The following PHEX variants were observed in gnomAD, a reference collection of about 807,000 sequenced individuals.
PHEX encodes the protein phosphate regulating endopeptidase X-linked.
PHEX carries 16 observed loss-of-function variants against 68.0 expected under a neutral mutation model. That is an observed-to-expected ratio of 0.24 (90% confidence interval 0.16 to 0.36). The LOEUF is 0.36. Among genes scored for constraint, PHEX ranks in the 10% least tolerant of loss-of-function variants. The probability of loss-of-function intolerance (pLI) is 1.00; values close to 1 mark genes in which losing one functional copy is unlikely to be tolerated. For synonymous variants in PHEX, 208 were observed against 205.1 expected (o/e 1.01, Z -0.12); for missense variants, 480 against 575.5 (o/e 0.83, Z 1.70).
intron 5 of PHEX, among the ~76,000 whole-genome samples, chrX:22,085,517 G>A (rs923232252): frequency 1.9e-5 from 2 of 106,907 alleles, no homozygotes; most frequent in Non-Finnish European, 3.9e-5. Context: ...GGAGGTTGCA[G>A]TGAGCTGAGA....
chrX:22,120,738 GAGTGATCCCT>G (rs1457479015), intron 11 of PHEX, among the ~76,000 whole-genome samples: 4 of 111,771 alleles, frequency 3.6e-5, no homozygotes, highest in Admixed American at 2.9e-4. Flanking sequence ...TCATTCTAAG[GAGTGATCCCT>G]GATGTTTGCA....
intron 13 of PHEX, chrX:22,169,692 G>C (rs1050008747): frequency 2.7e-5 from 3 of 111,906 alleles, no homozygotes; most frequent in African/African-American, 6.5e-5. Context: ...TGTGACCAGG[G>C]CTGTTGGAAG....
At chrX:22,049,217 A>G (rs940819605) in intron 3 of PHEX, among the ~76,000 whole-genome samples, 7 of 111,095 alleles carry the variant, frequency 6.3e-5, no homozygotes, top group Non-Finnish European at 3.8e-5. Context: ...CAAACGAGCG[A>G]TTCTCCTGCC....
At chrX:22,133,166 A>G in intron 11 of PHEX, among the ~76,000 whole-genome samples, 1 of 111,830 alleles carries the variant, frequency 8.9e-6, no homozygotes, top group East Asian at 2.8e-4. Context: ...GATTACAGGC[A>G]TGAGCCACCA....
At chrX:22,229,377 A>G (rs1368089747) in intron 20 of PHEX, among the ~76,000 whole-genome samples, 1 of 111,690 alleles carries the variant, frequency 9.0e-6, no homozygotes, top group Non-Finnish European at 1.9e-5. Context: ...AAGTGCTCCT[A>G]TTTCTCTACA....
At chrX:22,218,004 G>A (rs1484193991) in intron 16 of PHEX, among the ~76,000 whole-genome samples, 3 of 110,043 alleles carry the variant, frequency 2.7e-5, no homozygotes, top group Non-Finnish European at 5.7e-5. Flanking sequence ...GGCCGGGGTC[G>A]CTCAACTAGG....
intron 12 of PHEX, among the ~76,000 whole-genome samples, chrX:22,138,954 C>T (rs1000457686): frequency 6.3e-5 from 7 of 111,338 alleles, no homozygotes; most frequent in African/African-American, 2.0e-4. Context: ...GCCAAGATGG[C>T]GGCCTTCATA....
intron 8 of PHEX, among the ~76,000 whole-genome samples, chrX:22,098,322 C>T (rs1159415212): frequency 9.3e-6 from 1 of 107,120 alleles, no homozygotes; most frequent in Non-Finnish European, 1.9e-5. Flanking sequence ...AGGAAGAGTA[C>T]TGGACAGGGA....
intron 11 of PHEX, among the ~76,000 whole-genome samples, chrX:22,115,495 T>C (rs781533048): frequency 2.7e-5 from 3 of 111,835 alleles, no homozygotes; most frequent in Non-Finnish European, 5.6e-5. Flanking sequence ...AAGTATACAA[T>C]ACATTATTAG....
chrX:22,224,946 A>T (rs375352995), intron 18 of PHEX, among the ~76,000 whole-genome samples: 2 of 318 alleles, frequency 6.3e-3, no homozygotes, highest in Non-Finnish European at 0.015. Flanking sequence ...CAAATAACAT[A>T]AATTATCATA....
chrX:22,040,534 A>G (rs917504122), intron 2 of PHEX, among the ~76,000 whole-genome samples: 5 of 111,851 alleles, frequency 4.5e-5, no homozygotes, highest in Admixed American at 3.8e-4. Flanking sequence ...AGATAGAACA[A>G]TGTGATAGCA....
At chrX:22,162,532 T>C (rs1021790867) in intron 12 of PHEX, among the ~76,000 whole-genome samples, 3 of 112,096 alleles carry the variant, frequency 2.7e-5, no homozygotes, top group African/African-American at 9.7e-5. Context: ...ACTTTCTTGG[T>C]GTAGTCTACA....
chrX:22,113,206 AAATAT>A (rs1256455274), intron 10 of PHEX, among the ~76,000 whole-genome samples: 1 of 112,075 alleles, frequency 8.9e-6, no homozygotes, highest in African/African-American at 3.2e-5. Flanking sequence ...ACGAAGTGCT[AAATAT>A]AATATTGAAT....
chrX:22,155,387 A>T, intron 12 of PHEX, among the ~76,000 whole-genome samples: 1 of 112,440 alleles, frequency 8.9e-6, no homozygotes, highest in South Asian at 3.7e-4. Context: ...AGACAAGGGG[A>T]TATGTTTATC....
At chrX:22,119,987 T>G (rs1931418420) in intron 11 of PHEX, among the ~76,000 whole-genome samples, 1 of 111,355 alleles carries the variant, frequency 9.0e-6, no homozygotes, top group Admixed American at 9.6e-5. Context: ...CAGGTGAAGG[T>G]TCCAACGAAG....
At chrX:22,180,046 C>G (rs1160827606) in intron 14 of PHEX, among the ~76,000 whole-genome samples, 4 of 108,567 alleles carry the variant, frequency 3.7e-5, no homozygotes, top group Non-Finnish European at 7.6e-5. Flanking sequence ...CTAACTTATA[C>G]TGCCGAATAG....
intron 11 of PHEX, among the ~76,000 whole-genome samples, chrX:22,116,472 A>C (rs1602308881): frequency 1.8e-5 from 2 of 111,939 alleles, no homozygotes; most frequent in East Asian, 5.6e-4. Context: ...ATATATGAGC[A>C]GCTTGGATGC....
intron 14 of PHEX, among the ~76,000 whole-genome samples, chrX:22,182,125 A>T (rs960032697): frequency 6.3e-5 from 7 of 111,505 alleles, no homozygotes; most frequent in African/African-American, 2.0e-4. Context: ...TAATAGTGGT[A>T]AAAGTGGACA....
At chrX:22,177,424 T>C (rs933142933) in intron 13 of PHEX, among the ~76,000 whole-genome samples, 1 of 111,553 alleles carries the variant, frequency 9.0e-6, no homozygotes, top group African/African-American at 3.3e-5. Context: ...CTACAAACGA[T>C]TGCATGAACA....
Sources: allele counts gnomAD v4.1 joint callset (sites outside exome capture counted in the v4.1 genomes callset), GRCh38; gene constraint gnomAD v4.1.1; transcripts MANE v1.5; gene names NCBI Gene and HGNC (gene_info 2026-07-23, HGNC 2026-07-21).